The following CACNA2D3 variants were observed in gnomAD, a reference collection of about 807,000 sequenced individuals.
The protein encoded by CACNA2D3 is calcium voltage-gated channel auxiliary subunit alpha2delta 3.
CACNA2D3 carries 60 observed loss-of-function variants against 160.6 expected under a neutral mutation model. The ratio of observed to expected loss-of-function variants is 0.37; its 90% CI spans 0.30 to 0.46. The LOEUF is 0.46. Ranked by LOEUF, CACNA2D3 falls within the 20% of genes least tolerant of loss-of-function variation. CACNA2D3 has a pLI of 1.00. For missense variants in CACNA2D3, 1,205 were observed against 1,365.0 expected, an observed-to-expected ratio of 0.88 and a Z score of 1.85; for synonymous variants, 558 against 492.9, an observed-to-expected ratio of 1.13 and a Z score of -1.75.
At chr3:54,877,867 A>G (rs1324268505) in intron 18 of CACNA2D3, among the ~76,000 whole-genome samples, 1 of 152,212 alleles carries the variant, frequency 6.6e-6, no homozygotes, top group Non-Finnish European at 1.5e-5. Context: ...AAACCATGTT[A>G]AAGATAAATC....
chr3:54,484,768 G>A (rs1220234238), intron 4 of CACNA2D3, among the ~76,000 whole-genome samples: 1 of 152,068 alleles, frequency 6.6e-6, no homozygotes, highest in Non-Finnish European at 1.5e-5. Flanking sequence ...ATTGGACTTT[G>A]TGCAGAAACC....
At chr3:54,745,031 A>G (rs1462822528) in intron 11 of CACNA2D3, among the ~76,000 whole-genome samples, 2 of 152,232 alleles carry the variant, frequency 1.3e-5, no homozygotes, top group Non-Finnish European at 2.9e-5. Flanking sequence ...GTCAGGTATA[A>G]TAAGGCACAC....
At chr3:54,681,118 G>GGA (rs71096435) in intron 11 of CACNA2D3, among the ~76,000 whole-genome samples, 23,221 of 149,650 alleles carry the variant, frequency 0.16, 1,906 homozygotes, top group South Asian at 0.26. Flanking sequence ...TATTATCTAA[G>GGA]GAGAGAGAGA....
At chr3:54,132,582 T>C (rs1699734299) in intron 2 of CACNA2D3, among the ~76,000 whole-genome samples, 1 of 152,228 alleles carries the variant, frequency 6.6e-6, no homozygotes, top group East Asian at 1.9e-4. Context: ...TTCAGAATTA[T>C]AGAGCCATAG....
intron 4 of CACNA2D3, among the ~76,000 whole-genome samples, chr3:54,425,998 G>A (rs546566728): frequency 4.6e-5 from 7 of 152,318 alleles, no homozygotes; most frequent in Admixed American, 2.6e-4. Flanking sequence ...TGCATGGCAC[G>A]TTGGAAATTG....
At chr3:54,964,357 A>G (rs1467440996) in intron 27 of CACNA2D3, among the ~76,000 whole-genome samples, 1 of 152,058 alleles carries the variant, frequency 6.6e-6, no homozygotes, top group Non-Finnish European at 1.5e-5. Flanking sequence ...CCGGGGAAAT[A>G]TGTTGATGAT....
intron 2 of CACNA2D3, among the ~76,000 whole-genome samples, chr3:54,210,192 A>C (rs143704460): frequency 6.6e-6 from 1 of 152,304 alleles, no homozygotes; most frequent in Non-Finnish European, 1.5e-5. Flanking sequence ...GGAGTGTATG[A>C]GCCCAGAGGT....
chr3:54,142,672 A>G (rs1209345342), intron 2 of CACNA2D3, among the ~76,000 whole-genome samples: 1 of 152,188 alleles, frequency 6.6e-6, no homozygotes, highest in Non-Finnish European at 1.5e-5. Context: ...AATACCTAAG[A>G]CATATTACCT....
intron 13 of CACNA2D3, among the ~76,000 whole-genome samples, chr3:54,812,026 C>T (rs1018216673): frequency 1.3e-5 from 2 of 152,176 alleles, no homozygotes; most frequent in Admixed American, 1.3e-4. Flanking sequence ...AATCACCTGT[C>T]ATTACTGCTG....
intron 2 of CACNA2D3, among the ~76,000 whole-genome samples, chr3:54,273,710 G>T (rs555553807): frequency 6.6e-6 from 1 of 152,194 alleles, no homozygotes. Context: ...TCCATCTGGC[G>T]ACCGTTCTCG....
intron 27 of CACNA2D3, among the ~76,000 whole-genome samples, chr3:54,960,597 GT>G (rs1702008907): frequency 6.6e-6 from 1 of 152,158 alleles, no homozygotes; most frequent in Non-Finnish European, 1.5e-5. Context: ...TCCAAAGGTT[GT>G]TGCTGATCAT....
At chr3:54,871,084 A>G (rs1699515714) in intron 17 of CACNA2D3, among the ~76,000 whole-genome samples, 1 of 133,084 alleles carries the variant, frequency 7.5e-6, no homozygotes, top group East Asian at 2.0e-4. Context: ...ACACACACAC[A>G]CACACACACC....
intron 35 of CACNA2D3, among the ~76,000 whole-genome samples, chr3:55,038,823 G>T (rs895874313): frequency 7.0e-6 from 1 of 143,698 alleles, no homozygotes; most frequent in African/African-American, 2.5e-5. Context: ...GATAGTAAAT[G>T]CCTTGGAAAT....
At chr3:54,772,567 C>T (rs895539482) in intron 13 of CACNA2D3, among the ~76,000 whole-genome samples, 1 of 152,088 alleles carries the variant, frequency 6.6e-6, no homozygotes, top group African/African-American at 2.4e-5. Context: ...ATTAAATATT[C>T]TGTTTCCTGC....
chr3:54,525,076 C>T (rs11715062), intron 5 of CACNA2D3, among the ~76,000 whole-genome samples: 14,208 of 151,944 alleles, frequency 0.094, 891 homozygotes, highest in Non-Finnish European at 0.14. Flanking sequence ...AGATGTAGTA[C>T]GTCATATGTA....
chr3:55,033,748 TTATATTAAA>T (rs1559469466), intron 35 of CACNA2D3, among the ~76,000 whole-genome samples: 2 of 79,584 alleles, frequency 2.5e-5, no homozygotes, highest in Non-Finnish European at 5.5e-5. Context: ...ATAATATATA[TTATATTAAA>T]TATATATTAT....
intron 15 of CACNA2D3, among the ~76,000 whole-genome samples, chr3:54,837,939 G>A (rs1020778675): frequency 3.3e-5 from 5 of 152,064 alleles, no homozygotes; most frequent in African/African-American, 1.2e-4. Context: ...TGAGGTTCTG[G>A]GTGGACATGA....
At chr3:54,932,418 C>T (rs1471080212) in intron 27 of CACNA2D3, among the ~76,000 whole-genome samples, 2 of 152,018 alleles carry the variant, frequency 1.3e-5, no homozygotes, top group Non-Finnish European at 2.9e-5. Flanking sequence ...ATGCTGATTA[C>T]TTGGAGGGGA....
chr3:54,519,953 A>G (rs1701619316), intron 5 of CACNA2D3, among the ~76,000 whole-genome samples: 1 of 152,254 alleles, frequency 6.6e-6, no homozygotes, highest in African/African-American at 2.4e-5. Context: ...GTGCCAGCCA[A>G]GAAGTGAAGC....
Sources: allele counts gnomAD v4.1 joint callset (sites outside exome capture counted in the v4.1 genomes callset), GRCh38; gene constraint gnomAD v4.1.1; transcripts MANE v1.5; gene names NCBI Gene and HGNC (gene_info 2026-07-23, HGNC 2026-07-21).